The following GRIK2 variants were observed in gnomAD, a reference collection of about 807,000 sequenced individuals.
GRIK2 encodes the protein glutamate ionotropic receptor kainate type subunit 2.
In GRIK2, 32 loss-of-function variants were observed where a neutral mutation model predicts 100.3. That is an observed-to-expected ratio of 0.32 (90% confidence interval 0.24 to 0.43). GRIK2 has a LOEUF of 0.43. Among genes scored for constraint, GRIK2 ranks in the 20% least tolerant of loss-of-function variants. GRIK2 has a pLI of 1.00. For synonymous variants in GRIK2, 417 were observed against 389.4 expected (o/e 1.07, Z -0.83); for missense variants, 843 against 1,114.9 (o/e 0.76, Z 3.47).
intron 2 of GRIK2, among the ~76,000 whole-genome samples, chr6:101,528,189 A>G (rs746558918): frequency 9.9e-5 from 15 of 152,212 alleles, no homozygotes; most frequent in African/African-American, 1.2e-4. Context: ...GCAAGCATCT[A>G]GTAAATATTA....
chr6:101,643,527 A>G (rs899942133), intron 4 of GRIK2, among the ~76,000 whole-genome samples: 2 of 151,752 alleles, frequency 1.3e-5, no homozygotes, highest in African/African-American at 4.8e-5. Flanking sequence ...GTTGAAAATG[A>G]AAATTATTTT....
intron 14 of GRIK2, among the ~76,000 whole-genome samples, chr6:101,955,615 T>TC (rs978248010): frequency 1.1e-5 from 1 of 93,140 alleles, no homozygotes; most frequent in African/African-American, 4.2e-5. Flanking sequence ...TCTCTCTCTC[T>TC]CCCCCCCATT....
chr6:101,473,359 G>A (rs1302416687), intron 2 of GRIK2, among the ~76,000 whole-genome samples: 1 of 151,516 alleles, frequency 6.6e-6, no homozygotes, highest in East Asian at 1.9e-4. Flanking sequence ...AGAACAAATG[G>A]TACCCGAGTT....
intron 7 of GRIK2, among the ~76,000 whole-genome samples, chr6:101,737,746 T>C (rs1042279600): frequency 6.6e-6 from 1 of 152,250 alleles, no homozygotes; most frequent in Non-Finnish European, 1.5e-5. Context: ...AATGAGCGTT[T>C]CAACTTTTAT....
intron 7 of GRIK2, among the ~76,000 whole-genome samples, chr6:101,741,422 C>G (rs564435127): frequency 6.6e-6 from 1 of 152,036 alleles, no homozygotes; most frequent in Non-Finnish European, 1.5e-5. Flanking sequence ...AGTTAACTGA[C>G]GATAGATAGA....
At chr6:101,473,149 CTTCT>C (rs377227891) in intron 2 of GRIK2, among the ~76,000 whole-genome samples, 38 of 116,726 alleles carry the variant, frequency 3.3e-4, no homozygotes, top group Admixed American at 9.4e-4. Context: ...TCCTTCCTTC[CTTCT>C]TTCCTTCCTT....
rs145718214 is a variant in GRIK2, at chr6:101,690,096, C to A, written c.951+3743C>A. Among the ~76,000 whole-genome samples the A allele has an allele frequency of 4.6e-5, 7 of 152,224 alleles. No homozygotes were observed. In the East Asian group the frequency reaches 1.4e-3, roughly 29 times the overall value. On this transcript the variant is annotated intron_variant, in intron 7 of 16. Transcript: ENST00000369134. ...TACAGCAATTTCAGGTAAAGACAAA[C>A]ACCTCAGAGTACATTTTAAACAGTC...
At chr6:101,949,905 T>C (rs1791508875) in intron 14 of GRIK2, among the ~76,000 whole-genome samples, 1 of 152,168 alleles carries the variant, frequency 6.6e-6, no homozygotes, top group Non-Finnish European at 1.5e-5. Context: ...ATGGTATTTC[T>C]GGTTCTAGAT....
At chr6:101,777,590 G>C (rs1198622856) in intron 7 of GRIK2, among the ~76,000 whole-genome samples, 1 of 152,150 alleles carries the variant, frequency 6.6e-6, no homozygotes, top group Non-Finnish European at 1.5e-5. Flanking sequence ...CAAGGCAATA[G>C]GGATTTTTTT....
At chr6:101,796,068 C>T (rs916662849) in intron 7 of GRIK2, among the ~76,000 whole-genome samples, 1 of 152,038 alleles carries the variant, frequency 6.6e-6, no homozygotes, top group Non-Finnish European at 1.5e-5. Context: ...GCTTATTAAC[C>T]ATAGAGTGTT....
At chr6:101,782,365 T>C (rs1472069343) in intron 7 of GRIK2, among the ~76,000 whole-genome samples, 4 of 152,172 alleles carry the variant, frequency 2.6e-5, no homozygotes, top group African/African-American at 9.6e-5. Flanking sequence ...CATACTCAGG[T>C]TCCCTTCCAA....
chr6:101,876,787 A>G (rs1336606572), intron 11 of GRIK2, among the ~76,000 whole-genome samples: 2 of 151,884 alleles, frequency 1.3e-5, no homozygotes, highest in African/African-American at 4.8e-5. Context: ...TTCTCAAATC[A>G]ATCAGTCATT....
At chr6:102,048,771 C>G (rs1336732742) in intron 15 of GRIK2, among the ~76,000 whole-genome samples, 1 of 151,844 alleles carries the variant, frequency 6.6e-6, no homozygotes, top group Non-Finnish European at 1.5e-5. Flanking sequence ...TTCCCAGAAC[C>G]AAAGCGAGCA....
At chr6:101,944,887 A>G (rs1280888198) in intron 14 of GRIK2, among the ~76,000 whole-genome samples, 1 of 152,054 alleles carries the variant, frequency 6.6e-6, no homozygotes, top group Non-Finnish European at 1.5e-5. Flanking sequence ...AGATTGATAA[A>G]TTTAGAGATT....
At chr6:101,403,525 GT>G (rs1374938229) in intron 2 of GRIK2, among the ~76,000 whole-genome samples, 2 of 152,216 alleles carry the variant, frequency 1.3e-5, no homozygotes, top group Non-Finnish European at 2.9e-5. Context: ...CCACCTATAC[GT>G]TGTGGGATAA....
intron 2 of GRIK2, among the ~76,000 whole-genome samples, chr6:101,551,430 A>G (rs1415063205): frequency 6.6e-6 from 1 of 152,128 alleles, no homozygotes; most frequent in Non-Finnish European, 1.5e-5. Context: ...ACATGGGAGA[A>G]CTAGAAATTG....
intron 7 of GRIK2, among the ~76,000 whole-genome samples, chr6:101,747,286 T>C (rs1324647416): frequency 6.6e-6 from 1 of 152,214 alleles, no homozygotes; most frequent in Non-Finnish European, 1.5e-5. Flanking sequence ...ATGGTTTGCA[T>C]GTGTATTATG....
chr6:101,593,212 A>C (rs1443957059), intron 2 of GRIK2, among the ~76,000 whole-genome samples: 1 of 151,906 alleles, frequency 6.6e-6, no homozygotes, highest in Non-Finnish European at 1.5e-5. Context: ...GATCACTGAT[A>C]GATAATTTCC....
At chr6:101,887,127 C>T (rs977303081) in intron 11 of GRIK2, among the ~76,000 whole-genome samples, 1 of 151,878 alleles carries the variant, frequency 6.6e-6, no homozygotes, top group Non-Finnish European at 1.5e-5. Flanking sequence ...CGTGCCTGGC[C>T]TCTTCTCTCT....
Sources: gnomAD v4.1 joint callset for allele counts (sites outside exome capture counted in the v4.1 genomes callset) on GRCh38, gnomAD v4.1.1 for gene constraint, MANE v1.5 for transcripts, NCBI Gene and HGNC (gene_info 2026-07-23, HGNC 2026-07-21) for gene names.